FNBP1: variants seen among roughly 807,000 people sequenced by gnomAD.
The protein encoded by FNBP1 is formin-binding protein 1.
FNBP1 carries 26 observed loss-of-function variants against 90.6 expected under a neutral mutation model. The ratio of observed to expected loss-of-function variants is 0.29; its 90% CI spans 0.21 to 0.40. FNBP1 has a LOEUF of 0.40. Ranked by LOEUF, FNBP1 falls within the 10% of genes least tolerant of loss-of-function variation. FNBP1 has a pLI of 1.00. For missense variants in FNBP1, 635 were observed against 768.0 expected, an observed-to-expected ratio of 0.83 and a Z score of 2.05; for synonymous variants, 260 against 265.2, an observed-to-expected ratio of 0.98 and a Z score of 0.19.
the FNBP1 span, chr9:130,053,809 G>C: frequency 2.1e-6 from 2 of 946,828 alleles, no homozygotes; most frequent in Non-Finnish European, 3.1e-6. Context: ...CAATCTCCAG[G>C]AAAACGACCA....
At chr9:130,001,442 C>T (rs1315007565) in intron 1 of FNBP1, among the ~76,000 whole-genome samples, 9 of 152,020 alleles carry the variant, frequency 5.9e-5, no homozygotes, top group Non-Finnish European at 1.0e-4. Flanking sequence ...TCCTTTGTAA[C>T]GTTGGTGCAA....
intron 11 of FNBP1, among the ~76,000 whole-genome samples, chr9:129,913,439 C>T (rs1170639225): frequency 6.6e-6 from 1 of 151,954 alleles, no homozygotes; most frequent in Non-Finnish European, 1.5e-5. Context: ...TTTTAAGTGG[C>T]TGGAGTTCTG....
chr9:130,043,161 G>C lies in FNBP1; in HGVS notation c.-186C>G. 2.4e-6 allele frequency: 1 copy of C among 409,902 alleles called. No homozygotes were observed. Among genetic ancestry groups the C allele is most frequent in the East Asian group, 3.7e-5 (1 of 26,730 alleles). 25.4% of individuals were successfully genotyped at this position (409,902 alleles called of 1,614,324 possible). On this transcript the variant is annotated 5_prime_UTR_variant, in exon 1 of 17. Coordinates refer to ENST00000446176, the MANE Select transcript of FNBP1 (RefSeq NM_015033.3). ...GGCTCCTCCTCCCCGCCGCTCCACA[G>C]CAAAATGGCCCGAGGAAGCAGCAGC...
chr9:129,947,564 G>A (rs1437974403), intron 6 of FNBP1, among the ~76,000 whole-genome samples: 3 of 152,056 alleles, frequency 2.0e-5, no homozygotes, highest in Non-Finnish European at 4.4e-5. Context: ...AGTGAACAAC[G>A]GGCAAGGGAA....
rs563227926 is a variant in FNBP1 at position 129,899,201 on chromosome 9, C to T, written c.1687+764G>A. Reference sequence around the variant, plus strand: ...CAAGTGATTCTCGTGCCTCAGCCTCCCGAGCAGCTGGGATTACAGGCGCCT... The same window carrying T: ...CAAGTGATTCTCGTGCCTCAGCCTCTCGAGCAGCTGGGATTACAGGCGCCT... On this transcript the variant is annotated intron_variant, in intron 15 of 16. Transcript: ENST00000446176. Among the ~76,000 whole-genome samples, 6 of 152,024 alleles carry T rather than the reference C, an allele frequency of 3.9e-5. No individual in the cohort carries two copies. The East Asian group carries it at 9.8e-4, about 25-fold the overall frequency.
At chr9:129,906,801 G>T (rs1256413399) in intron 12 of FNBP1, among the ~76,000 whole-genome samples, 1 of 150,798 alleles carries the variant, frequency 6.6e-6, no homozygotes, top group East Asian at 1.9e-4. Flanking sequence ...TTTTTTTTGA[G>T]ACAGAGTCTC....
At chr9:130,027,650 G>A (rs2058464111) in intron 1 of FNBP1, among the ~76,000 whole-genome samples, 1 of 152,070 alleles carries the variant, frequency 6.6e-6, no homozygotes, top group Non-Finnish European at 1.5e-5. Context: ...CATTGCTGAG[G>A]CCTCAGCTGG....
rs2034939296 is a variant in FNBP1, at chr9:129,889,561, C to G, written c.*978G>C. 5.0e-6 allele frequency: 1 copy of G among 201,858 alleles called. No individual in the cohort carries two copies. The highest frequency in any genetic ancestry group is 6.0e-5 in the Admixed American group (1 of 16,552). The allele number at this position is 201,858 out of a possible 1,614,324, so 12.5% of individuals were successfully genotyped here. On this transcript the variant is annotated 3_prime_UTR_variant, in exon 17 of 17. Transcript: ENST00000446176. ...CTCCAGTCTGAACAATAGAGCGAGA[C>G]TCCCGTCTCAAAAAAAAAAAAAAAA...
intron 1 of FNBP1, among the ~76,000 whole-genome samples, chr9:130,001,309 C>T (rs2054799920): frequency 1.6e-5 from 1 of 63,484 alleles, no homozygotes; most frequent in Non-Finnish European, 3.1e-5. Flanking sequence ...AAGACTCCAT[C>T]TCAAAAAAAC....
In FNBP1 at chr9:129,929,775, T is replaced by C. The variant is rs893234727; in HGVS notation, c.514-80A>G. The C allele has an allele frequency of 2.5e-5, 34 of 1,370,730 alleles. 1 individual carries two copies. The Admixed American group carries it at 7.4e-4, about 30-fold the overall frequency. The allele number at this position is 1,370,730 out of a possible 1,614,324, so 84.9% of individuals were successfully genotyped here. A position where few individuals can be genotyped will look rare whatever the true frequency, so the allele number is the denominator to read the frequency against. On this transcript the variant is annotated intron_variant, in intron 6 of 16. Transcript: ENST00000446176. ...GGTGCAATCAATAAAAGCCTAGAAC[T>C]GCACACTGGGATGCCTAGGGGCCAG...
rs546334676 is a variant in FNBP1 at position 129,889,604 on chromosome 9, G to A, written c.*935C>T. ...AAAAAAAACAACAACAAAAAAGGAA[G>A]TGCTACCCTTTTCAGATGCTAATCC... On this transcript the variant is annotated 3_prime_UTR_variant, in exon 17 of 17. Coordinates refer to ENST00000446176, the MANE Select transcript of FNBP1 (RefSeq NM_015033.3). 9.6e-5 allele frequency: 21 copies of A among 219,682 alleles called. No individual in the cohort carries two copies. The highest frequency in any genetic ancestry group is 1.6e-4 in the Non-Finnish European group (18 of 109,860). 13.6% of individuals were successfully genotyped at this position (219,682 alleles called of 1,614,324 possible). A position where few individuals can be genotyped will look rare whatever the true frequency, so the allele number is the denominator to read the frequency against.
At chr9:129,923,036 ATTT>A (rs1164873383) in intron 10 of FNBP1, among the ~76,000 whole-genome samples, 4 of 151,468 alleles carry the variant, frequency 2.6e-5, no homozygotes, top group Admixed American at 6.6e-5. Flanking sequence ...ATTTTTATAT[ATTT>A]TTTTAAGAGA....
chr9:130,030,559 C>T (rs1564617115), intron 1 of FNBP1, among the ~76,000 whole-genome samples: 1 of 152,060 alleles, frequency 6.6e-6, no homozygotes, highest in Non-Finnish European at 1.5e-5. Flanking sequence ...CTAACTGTAA[C>T]GTAGACTGTC....
rs1444757098 is a variant in FNBP1 at position 130,042,678 on chromosome 9, C to G, written c.24+274G>C. On this transcript the variant is annotated intron_variant, in intron 1 of 16. Coordinates refer to ENST00000446176, the MANE Select transcript of FNBP1 (RefSeq NM_015033.3). This position sits in a 1 kb window ranked among gnomAD's most constrained non-coding sequence, Gnocchi z 5.5. ...CCGACACACACGGCCCGCTCCGGGG[C>G]GCCGGGGACAGGGAGGCCCGCCCGC... Among the ~76,000 whole-genome samples the G allele has an allele frequency of 1.3e-5, 2 of 151,686 alleles. No homozygotes were observed. Among genetic ancestry groups the G allele is most frequent in the Non-Finnish European group, 2.9e-5 (2 of 67,864 alleles).
chr9:129,992,168 G>C (rs139056650), intron 2 of FNBP1, among the ~76,000 whole-genome samples: 10 of 152,306 alleles, frequency 6.6e-5, no homozygotes, highest in South Asian at 6.2e-4. Flanking sequence ...GAAGAGGCAG[G>C]GGAAGAGCAG....
At chr9:129,894,546 C>T (rs1166583393) in intron 16 of FNBP1, among the ~76,000 whole-genome samples, 4 of 152,206 alleles carry the variant, frequency 2.6e-5, no homozygotes, top group South Asian at 2.1e-4. Context: ...AGTCTTTGAA[C>T]AGCAATGTGC....
chr9:129,965,696 A>ACGCG (rs1554821618), intron 4 of FNBP1, among the ~76,000 whole-genome samples: 7 of 95,058 alleles, frequency 7.4e-5, no homozygotes, highest in Admixed American at 1.1e-4. Context: ...ACACACACAC[A>ACGCG]CGCGCGCGCG....
chr9:130,027,929 TA>T (rs997094046), intron 1 of FNBP1, among the ~76,000 whole-genome samples: 36 of 146,688 alleles, frequency 2.5e-4, no homozygotes, highest in East Asian at 9.9e-4. Flanking sequence ...CAGAAATCAT[TA>T]AAAAAAAAAA....
At position 129,927,331 on chromosome 9, in the gene FNBP1, T is replaced by A; in HGVS notation, c.653A>T (p.Glu218Val). The change falls in exon 8 of 17, where the codon GAG (glutamate) becomes GTG (valine). Residue 218 changes from glutamate to valine, a missense_variant. Glu to Val is a moderately radical substitution (Grantham distance 121). Transcript: ENST00000446176. The part of the protein sequence containing the change: ...HIPNIFQKIQ[E>V]MEERRIVRMG... The stretch of plus-strand genomic sequence containing the variant: ...TCTCACAATCCTCCTTTCCTCCATC[T>A]CTTGTATTTTCTGCAACATTAGATT... The A allele has an allele frequency of 6.2e-7, 1 of 1,610,582 alleles. No individual in the cohort carries two copies. Among genetic ancestry groups the A allele is most frequent in the Non-Finnish European group, 8.5e-7 (1 of 1,178,164 alleles).
Sources: gnomAD v4.1 joint callset for allele counts (sites outside exome capture counted in the v4.1 genomes callset) on GRCh38, gnomAD v4.1.1 for gene constraint, Gnocchi (gnomAD v3.1) non-coding constraint, MANE v1.5 for transcripts, NCBI Gene and HGNC (gene_info 2026-07-23, HGNC 2026-07-21) for gene names.